Variants in ATG7 observed in about 807,000 individuals in gnomAD.
ATG7 encodes the protein autophagy related 7.
A neutral mutation model predicts 82.4 loss-of-function variants in ATG7; 70 were observed. The ratio of observed to expected loss-of-function variants is 0.85; its 90% confidence interval spans 0.70 to 1.04. The LOEUF (loss-of-function observed/expected upper bound fraction) is 1.04. Among genes scored for constraint, ATG7 ranks in the 50% least tolerant of loss-of-function variants. The probability of loss-of-function intolerance (pLI) is 0.00; values close to 1 mark genes in which losing one functional copy is unlikely to be tolerated. For synonymous variants in ATG7, 287 were observed against 313.0 expected, an observed-to-expected ratio of 0.92 and a Z score of 0.88; for missense variants, 792 against 864.3, an observed-to-expected ratio of 0.92 and a Z score of 1.05.
At chr3:11,378,706 A>AAAAAAAC (rs1559501467) in intron 18 of ATG7, among the ~76,000 whole-genome samples, 2 of 149,984 alleles carry the variant, frequency 1.3e-5, no homozygotes, top group African/African-American at 5.0e-5. Context: ...AAAAAAAAAA[A>AAAAAAAC]AAATTGCTGT....
At chr3:11,449,222 A>G (rs1395406936) in intron 20 of ATG7, among the ~76,000 whole-genome samples, 2 of 152,224 alleles carry the variant, frequency 1.3e-5, no homozygotes, top group East Asian at 1.9e-4. Context: ...ATATGAGCCT[A>G]TTAGCTGGGC....
At chr3:11,420,708 G>A (rs543729220) in intron 19 of ATG7, among the ~76,000 whole-genome samples, 1 of 150,780 alleles carries the variant, frequency 6.6e-6, no homozygotes, top group South Asian at 2.1e-4. Flanking sequence ...GTGTGCAATA[G>A]CATTATGTCT....
chr3:11,503,394 A>C (rs1364268950), intron 20 of ATG7, among the ~76,000 whole-genome samples: 1 of 152,242 alleles, frequency 6.6e-6, no homozygotes, highest in East Asian at 1.9e-4. Flanking sequence ...AACATATAAT[A>C]TGTACATATA....
At chr3:11,463,822 T>C (rs1300569529) in intron 20 of ATG7, among the ~76,000 whole-genome samples, 1 of 152,034 alleles carries the variant, frequency 6.6e-6, no homozygotes, top group East Asian at 1.9e-4. Flanking sequence ...CCCCAAACTC[T>C]CATATGTGGG....
chr3:11,332,776 C>G (rs572610534), intron 10 of ATG7, 196 bp from the exon 11 acceptor site: 1 of 437,308 alleles, frequency 2.3e-6, no homozygotes, highest in African/African-American at 2.0e-5. Context: ...TTTTCAGCCT[C>G]TAAACACTTG....
intron 20 of ATG7, among the ~76,000 whole-genome samples, chr3:11,456,991 A>G (rs576195475): frequency 6.6e-6 from 1 of 152,206 alleles, no homozygotes; most frequent in African/African-American, 2.4e-5. Flanking sequence ...CCTCCTGCTG[A>G]ACAGTCAGTT....
At chr3:11,502,212 T>A (rs976204809) in intron 20 of ATG7, among the ~76,000 whole-genome samples, 24 of 151,932 alleles carry the variant, frequency 1.6e-4, no homozygotes, top group South Asian at 8.3e-4. Context: ...TTTTTTTTTT[T>A]AATTTTAATT....
intron 3 of ATG7, among the ~76,000 whole-genome samples, chr3:11,298,210 G>C (rs1050023033): frequency 2.0e-5 from 3 of 151,912 alleles, no homozygotes; most frequent in Non-Finnish European, 4.4e-5. Flanking sequence ...GTCATGAGGA[G>C]AATCAGCTTG....
chr3:11,484,820 T>G (rs1240033790), intron 20 of ATG7, among the ~76,000 whole-genome samples: 1 of 152,166 alleles, frequency 6.6e-6, no homozygotes, highest in African/African-American at 2.4e-5. Flanking sequence ...TGCGATAGTT[T>G]ACTGAGAATG....
intron 20 of ATG7, among the ~76,000 whole-genome samples, chr3:11,547,640 A>G (rs1385271337): frequency 2.6e-5 from 4 of 152,194 alleles, no homozygotes. Flanking sequence ...TCCAGCAGCA[A>G]CGTATGAAGG....
At chr3:11,299,278 G>C (rs529166515) in intron 4 of ATG7, 84 bp from the exon 5 acceptor site, 3 of 1,387,504 alleles carry the variant, frequency 2.2e-6, no homozygotes, top group Admixed American at 1.7e-5. Context: ...TCAACAAAGA[G>C]AAGAAAACTA....
chr3:11,333,028 G>A lies in ATG7; in HGVS notation c.824G>A (p.Gly275Glu). 6.3e-7 allele frequency: 1 copy of A among 1,577,328 alleles called. No homozygotes were observed. Among genetic ancestry groups the A allele is most frequent in the Non-Finnish European group, 8.6e-7 (1 of 1,161,034 alleles). ...TGCTTCCGTGACCGTACCATGCAGG[G>A]GGCGAGAGACGTTGCCCACAGCATC... ...VVCFRDRTMQ[G>E]ARDVAHSIIF... Residue 275 changes from glycine (G) to glutamate (E), a missense_variant, in exon 11 of 21, where the codon GGG becomes GAG. Physicochemically the swap from Gly to Glu is moderately conservative, Grantham distance 98 (BLOSUM62 -2). Coordinates refer to ENST00000693202, the MANE Select transcript of ATG7 (RefSeq NM_001349232.2).
intron 20 of ATG7, among the ~76,000 whole-genome samples, chr3:11,541,147 G>T (rs896827820): frequency 2.0e-5 from 3 of 152,232 alleles, no homozygotes; most frequent in East Asian, 3.9e-4. Flanking sequence ...TGATCCGCCC[G>T]CCTCGGCCTC....
chr3:11,306,055 A>G (rs1263156654), intron 5 of ATG7, among the ~76,000 whole-genome samples: 1 of 152,244 alleles, frequency 6.6e-6, no homozygotes, highest in Non-Finnish European at 1.5e-5. Context: ...AGATTTGTCC[A>G]CATCTGAATT....
At chr3:11,465,440 G>A (rs371776756) in intron 20 of ATG7, among the ~76,000 whole-genome samples, 2 of 121,860 alleles carry the variant, frequency 1.6e-5, no homozygotes, top group Admixed American at 9.0e-5. Flanking sequence ...GAGAGACTCT[G>A]TCTCAAAAAA....
intron 19 of ATG7, among the ~76,000 whole-genome samples, chr3:11,419,009 C>A (rs918290895): frequency 6.6e-6 from 1 of 152,086 alleles, no homozygotes; most frequent in African/African-American, 2.4e-5. Flanking sequence ...CCTCCCCTGA[C>A]ATGGGATTAC....
chr3:11,522,963 G>A (rs1332404131), intron 20 of ATG7, among the ~76,000 whole-genome samples: 1 of 152,128 alleles, frequency 6.6e-6, no homozygotes, highest in African/African-American at 2.4e-5. Flanking sequence ...TCCTCTCTCA[G>A]CCCTGTTTTC....
At chr3:11,387,607 T>A (rs968640724) in intron 19 of ATG7, among the ~76,000 whole-genome samples, 2 of 152,226 alleles carry the variant, frequency 1.3e-5, no homozygotes, top group African/African-American at 2.4e-5. Context: ...TCCCCAAGCC[T>A]ATTCTTAAAT....
At chr3:11,467,301 C>G (rs921004904) in intron 20 of ATG7, among the ~76,000 whole-genome samples, 6 of 152,182 alleles carry the variant, frequency 3.9e-5, no homozygotes, top group Non-Finnish European at 7.3e-5. Context: ...AGTCTTTGAA[C>G]AACTCACCTA....
Sources: allele counts gnomAD v4.1 joint callset (sites outside exome capture counted in the v4.1 genomes callset), GRCh38; gene constraint gnomAD v4.1.1; transcripts MANE v1.5; gene names NCBI Gene and HGNC (gene_info 2026-07-23, HGNC 2026-07-21).